GSE1: variants seen among roughly 807,000 people sequenced by gnomAD.
GSE1 encodes the protein Gse1 coiled-coil protein, also known as genetic suppressor element 1.
A neutral mutation model predicts 112.6 loss-of-function variants in GSE1; 32 were observed. That is an observed-to-expected ratio of 0.28 (90% CI 0.21 to 0.38). The LOEUF (loss-of-function observed/expected upper bound fraction) is 0.38. Ranked by LOEUF, GSE1 falls within the 10% of genes least tolerant of loss-of-function variation. The pLI is 1.00. For missense variants in GSE1, 2,348 were observed against 1,699.2 expected (o/e 1.38, Z -6.71); for synonymous variants, 1,115 against 735.6 (o/e 1.52, Z -8.35).
intron 1 of GSE1, among the ~76,000 whole-genome samples, chr16:85,173,474 T>C (rs1395326979): frequency 1.3e-5 from 2 of 152,174 alleles, no homozygotes; most frequent in Non-Finnish European, 2.9e-5. Flanking sequence ...GCTTGACATA[T>C]AGTGGGACCC....
rs1028100599 is a variant in GSE1 at position 85,270,638 on chromosome 16, G to C, written c.2284-86825G>C. Among the ~76,000 whole-genome samples, 21 of 148,958 alleles carry C rather than the reference G, an allele frequency of 1.4e-4. 2 individuals are homozygous for C. The highest frequency in any genetic ancestry group is 2.9e-4 in the Non-Finnish European group (19 of 66,178). On this transcript the variant is annotated intron_variant, in intron 1 of 2. Coordinates refer to the GSE1 transcript ENST00000637419. ...GATGTTGCCCTGGGCTGGCTGCTTT[G>C]TTAATGCTCTGTCCTGCGTGCGGCC...
At chr16:85,260,404 A>T (rs530485973) in intron 1 of GSE1, among the ~76,000 whole-genome samples, 1 of 138,804 alleles carries the variant, frequency 7.2e-6, no homozygotes, top group Non-Finnish European at 1.5e-5. Context: ...GCTCACTGCA[A>T]TTCTACCTCC....
At chr16:85,555,343 C>G (rs1156293563), upstream of GSE1, 2 of 984,982 alleles carry the variant, frequency 2.0e-6, no homozygotes, top group Non-Finnish European at 2.4e-6. Flanking sequence ...TCCTTCCACC[C>G]CCTCTCTCTG....
intron 1 of GSE1, among the ~76,000 whole-genome samples, chr16:85,558,758 T>C (rs982735696): frequency 6.6e-6 from 1 of 152,188 alleles, no homozygotes; most frequent in African/African-American, 2.4e-5. Context: ...TGTCTTAGTG[T>C]AATATTCAGG....
intron 2 of GSE1, among the ~76,000 whole-genome samples, chr16:85,538,659 G>A (rs1405298147): frequency 6.6e-6 from 1 of 152,164 alleles, no homozygotes; most frequent in Non-Finnish European, 1.5e-5. Flanking sequence ...GCCCCTGTGG[G>A]GAGGAAGTGG....
chr16:85,547,954 G>A (rs1235833123), intron 2 of GSE1, among the ~76,000 whole-genome samples: 5 of 151,710 alleles, frequency 3.3e-5, no homozygotes, highest in Admixed American at 6.6e-5. Context: ...GAGGCCGGGC[G>A]AGGTGGCTCA....
chr16:85,658,335 C>T (rs2052146600), intron 8 of GSE1, among the ~76,000 whole-genome samples: 1 of 152,210 alleles, frequency 6.6e-6, no homozygotes, highest in South Asian at 2.1e-4. Flanking sequence ...CATAGCTCTG[C>T]TCCAGGCCCA....
At chr16:85,555,351 C>G, upstream of GSE1, 2 of 984,678 alleles carry the variant, frequency 2.0e-6, no homozygotes, top group Non-Finnish European at 2.4e-6. Context: ...CCCCCTCTCT[C>G]TGAGTCAGTG....
chr16:85,553,528 C>T (rs540023822), upstream of GSE1, among the ~76,000 whole-genome samples: 145 of 151,508 alleles, frequency 9.6e-4, 1 homozygote, highest in African/African-American at 3.3e-3. Flanking sequence ...AGGCCGCCCG[C>T]TGGGAGGGGG....
chr16:85,292,633 T>G (rs2045256210), intron 1 of GSE1, among the ~76,000 whole-genome samples: 1 of 151,674 alleles, frequency 6.6e-6, no homozygotes, highest in South Asian at 2.1e-4. Context: ...GGCCTAATTT[T>G]TGTATCTTTA....
chr16:85,497,938 C>T (rs920827776), intron 2 of GSE1, among the ~76,000 whole-genome samples: 3 of 152,100 alleles, frequency 2.0e-5, no homozygotes, highest in Non-Finnish European at 2.9e-5. Flanking sequence ...GAGCTGACAT[C>T]GCTTTTACCA....
intron 5 of GSE1, 120 bp from the exon 6 acceptor site, chr16:85,655,606 A>G: frequency 3.1e-6 from 2 of 640,896 alleles, no homozygotes; most frequent in South Asian, 2.0e-5. Flanking sequence ...ATCCCCAGCC[A>G]TTTTGTCACG....
intron 2 of GSE1, among the ~76,000 whole-genome samples, chr16:85,523,645 G>T (rs1336879020): frequency 1.3e-5 from 2 of 152,210 alleles, no homozygotes; most frequent in Non-Finnish European, 2.9e-5. Flanking sequence ...AGGGACAGAG[G>T]GGGTCCCTCC....
At chr16:85,361,000 A>C (rs937894517) in intron 2 of GSE1, among the ~76,000 whole-genome samples, 1 of 151,974 alleles carries the variant, frequency 6.6e-6, no homozygotes, top group Non-Finnish European at 1.5e-5. Flanking sequence ...ACAGAAGCCA[A>C]ACATCCTCGC....
intron 1 of GSE1, among the ~76,000 whole-genome samples, chr16:85,276,889 G>A (rs950283093): frequency 1.3e-5 from 2 of 152,244 alleles, no homozygotes; most frequent in Admixed American, 1.3e-4. Context: ...GGTCAAGTTA[G>A]AGAACCCCCA....
chr16:85,274,870 C>T (rs1157044737), intron 1 of GSE1, among the ~76,000 whole-genome samples: 3 of 152,246 alleles, frequency 2.0e-5, no homozygotes, highest in South Asian at 2.1e-4. Context: ...AGTCCTGGAC[C>T]CTGCAGATGC....
At position 85,571,785 on chromosome 16, in the gene GSE1, G is replaced by C. The variant is rs547255213; in HGVS notation, c.37+15422G>C. On this transcript the variant is annotated intron_variant, in intron 1 of 2. Transcript: ENST00000635906. ...GCCATGGCGGAGCTCAGGCTGCAGA[G>C]GGTCCCTGTCGGTGGCCAGGCCCAG... Among the ~76,000 whole-genome samples, 4 of 152,338 alleles carry C rather than the reference G, an allele frequency of 2.6e-5. No individual in the cohort carries two copies. In the South Asian group the frequency reaches 8.3e-4, roughly 32 times the overall value.
chr16:85,607,246 C>T (rs1254390969), upstream of GSE1, among the ~76,000 whole-genome samples: 5 of 152,096 alleles, frequency 3.3e-5, no homozygotes, highest in Admixed American at 1.3e-4. Flanking sequence ...CAGGTTTCCC[C>T]GCTCCAGTAG....
Position 85,474,953 on chromosome 16 carries a change from G to A in GSE1, c.2464+117310G>A, listed in dbSNP as rs540329912. ...AGGACCTTGGCGTCTGAATTTCACT[G>A]TAATCTGCCCCTCCACCCTGTTCTC... On this transcript the variant is annotated intron_variant, in intron 2 of 2. Transcript: ENST00000637419. Among the ~76,000 whole-genome samples the A allele has an allele frequency of 2.6e-5, 4 of 152,236 alleles. No homozygotes were observed. The South Asian group carries it at 8.3e-4, about 32-fold the overall frequency.
Sources: gnomAD v4.1 joint callset for allele counts (sites outside exome capture counted in the v4.1 genomes callset) on GRCh38, gnomAD v4.1.1 for gene constraint, MANE v1.5 for transcripts, NCBI Gene and HGNC (gene_info 2026-07-23, HGNC 2026-07-21) for gene names.